PCNX2: variants seen among roughly 807,000 people sequenced by gnomAD.
PCNX2 encodes the protein pecanex 2, also known as pecanex-like protein 2.
In PCNX2, 168 loss-of-function variants were observed where a neutral mutation model predicts 223.8. The ratio of observed to expected loss-of-function variants is 0.75; its 90% confidence interval spans 0.66 to 0.85. The LOEUF (loss-of-function observed/expected upper bound fraction) is 0.85. PCNX2 is among the 40% of genes least tolerant of loss of function. The pLI, the probability that PCNX2 is intolerant of heterozygous loss-of-function variation, is 0.00. For synonymous variants in PCNX2, 1,006 were observed against 1,052.6 expected, an observed-to-expected ratio of 0.96 and a Z score of 0.86; for missense variants, 2,507 against 2,675.5, an observed-to-expected ratio of 0.94 and a Z score of 1.39.
intron 32 of PCNX2, among the ~76,000 whole-genome samples, chr1:232,993,978 T>C (rs1669791865): frequency 2.6e-5 from 4 of 152,222 alleles, no homozygotes; most frequent in Admixed American, 2.6e-4. Context: ...GGTATGGAAA[T>C]GCCTGATGTT....
intron 28 of PCNX2, among the ~76,000 whole-genome samples, 183 bp downstream of exon 28, chr1:233,014,482 C>T (rs1464496552): frequency 2.6e-5 from 4 of 151,986 alleles, no homozygotes; most frequent in Non-Finnish European, 5.9e-5. Context: ...ATTGAATACT[C>T]CAAAAGAGCA....
intron 32 of PCNX2, among the ~76,000 whole-genome samples, chr1:232,987,621 T>C (rs1021171129): frequency 4.4e-4 from 67 of 152,198 alleles, no homozygotes; most frequent in Non-Finnish European, 1.5e-5. Flanking sequence ...TCACCCCAAA[T>C]GCCCATTATT....
At chr1:233,163,546 A>G (rs776404619) in intron 17 of PCNX2, among the ~76,000 whole-genome samples, 17 of 151,700 alleles carry the variant, frequency 1.1e-4, no homozygotes, top group Non-Finnish European at 2.4e-4. Flanking sequence ...TATAAATTAT[A>G]TAACATATAT....
intron 9 of PCNX2, among the ~76,000 whole-genome samples, chr1:233,235,200 A>G (rs572559439): frequency 6.6e-6 from 1 of 152,322 alleles, no homozygotes; most frequent in South Asian, 2.1e-4. Flanking sequence ...GAGAATAAAC[A>G]GTCCCAAAAG....
At chr1:233,206,015 G>C (rs991805509) in intron 13 of PCNX2, among the ~76,000 whole-genome samples, 4 of 152,130 alleles carry the variant, frequency 2.6e-5, no homozygotes, top group African/African-American at 9.7e-5. Context: ...TGAAGGACGG[G>C]GGAGGCCGCA....
At chr1:232,987,867 C>T (rs1669547723) in intron 32 of PCNX2, among the ~76,000 whole-genome samples, 2 of 152,254 alleles carry the variant, frequency 1.3e-5, no homozygotes, top group African/African-American at 2.4e-5. Flanking sequence ...GCAGAGGGCA[C>T]TGGTGCTCCC....
At chr1:232,989,680 T>G (rs1159233565) in intron 32 of PCNX2, among the ~76,000 whole-genome samples, 1 of 152,150 alleles carries the variant, frequency 6.6e-6, no homozygotes, top group Non-Finnish European at 1.5e-5. Flanking sequence ...TACACTAACA[T>G]GTAAGTAAAG....
At position 233,237,065 on chromosome 1, in the gene PCNX2, G is replaced by T. The variant is rs1658467259; in HGVS notation, c.2223-85C>A. The T allele has an allele frequency of 1.9e-6, 3 of 1,543,240 alleles. No individual in the cohort carries two copies. In the African/African-American group the frequency reaches 4.1e-5, roughly 21 times the overall value. ...TTATACACAAACACAAGGACAATAGGAATGCCCAAAGCAGGTAGTGGATGA... is the reference window on the plus strand; with the variant it reads ...TTATACACAAACACAAGGACAATAGTAATGCCCAAAGCAGGTAGTGGATGA... On this transcript the variant is annotated intron_variant, in intron 8 of 33. Coordinates refer to ENST00000258229, the MANE Select transcript of PCNX2 (RefSeq NM_014801.4).
chr1:233,291,156 G>T (rs1281845308), intron 1 of PCNX2: 1 of 927,924 alleles, frequency 1.1e-6, no homozygotes, highest in Admixed American at 6.2e-5. Context: ...GCTAAATGCT[G>T]GATTTTACCA....
At chr1:233,047,438 A>G in intron 25 of PCNX2, 1 of 982,216 alleles carries the variant, frequency 1.0e-6, no homozygotes, top group Non-Finnish European at 1.2e-6. Flanking sequence ...TAAAAATGGC[A>G]CAGAACTTGT....
rs559977429 is a variant in PCNX2 at position 233,247,855 on chromosome 1, G to A, written c.2222+2884C>T. Among the ~76,000 whole-genome samples, 63 of 134,796 alleles carry A rather than the reference G, an allele frequency of 4.7e-4. No homozygotes were observed. The South Asian group carries it at 9.5e-3, about 20-fold the overall frequency. 88.4% of individuals were successfully genotyped at this position (134,796 alleles called of 152,430 possible). A position where few individuals can be genotyped will look rare whatever the true frequency, so the allele number is the denominator to read the frequency against. On this transcript the variant is annotated intron_variant, in intron 8 of 33. Transcript: ENST00000258229. ...ATTGCATCACTGTACTCCAGCCTAGGTGAAAGAGCAAAACTCCGTCTCAAA... is the reference window on the plus strand; with the variant it reads ...ATTGCATCACTGTACTCCAGCCTAGATGAAAGAGCAAAACTCCGTCTCAAA...
Position 232,999,195 on chromosome 1 carries a change from T to C in PCNX2, c.5513A>G (p.Tyr1838Cys). Residue 1838 changes from tyrosine (Y) to cysteine (C), a missense_variant, in exon 31 of 34, where the codon TAC becomes TGC. Transcript: ENST00000258229. ...PMYVSPLTTS[Y>C]LGTHRQLKNI... ...CTTCAGCTGCCTGTGTGTCCCTAGG[T>C]AGGATGTGGTTAGTGGGGAGACATA... 6.2e-7 allele frequency: 1 copy of C among 1,613,854 alleles called. No homozygotes were observed. Among genetic ancestry groups the C allele is most frequent in the Admixed American group, 1.7e-5 (1 of 60,012 alleles).
At chr1:233,061,655 A>T (rs1301545298) in intron 23 of PCNX2, among the ~76,000 whole-genome samples, 1 of 152,168 alleles carries the variant, frequency 6.6e-6, no homozygotes, top group Non-Finnish European at 1.5e-5. Flanking sequence ...TTTTGATCTG[A>T]ATTTTCAGTA....
intron 12 of PCNX2, 137 bp from the exon 13 acceptor site, chr1:233,208,826 C>CAAAAAAAAAAAAAAAAAAAAAAAAAAAGG (rs71173255): frequency 3.4e-5 from 2 of 59,534 alleles, no homozygotes; most frequent in Non-Finnish European, 6.4e-5. Context: ...AATTCATATA[C>CAAAAAAAAAAAAAAAAAAAAAAAAAAAGG]AAAAAAAAAA....
At chr1:233,199,686 G>A (rs1680943420) in intron 14 of PCNX2, among the ~76,000 whole-genome samples, 1 of 151,848 alleles carries the variant, frequency 6.6e-6, no homozygotes, top group Non-Finnish European at 1.5e-5. Flanking sequence ...ATGGTTTAGG[G>A]ACACAGATCA....
intron 23 of PCNX2, among the ~76,000 whole-genome samples, chr1:233,078,910 A>G (rs1439727684): frequency 6.6e-6 from 1 of 152,174 alleles, no homozygotes; most frequent in Non-Finnish European, 1.5e-5. Context: ...CACGTGTCAA[A>G]CCTTACATGC....
At chr1:233,030,553 G>C (rs1281441513) in intron 25 of PCNX2, among the ~76,000 whole-genome samples, 1 of 152,144 alleles carries the variant, frequency 6.6e-6, no homozygotes, top group Non-Finnish European at 1.5e-5. Flanking sequence ...GCCATGTTCT[G>C]TCAGGAAGTT....
intron 19 of PCNX2, among the ~76,000 whole-genome samples, chr1:233,146,699 T>C (rs1180001457): frequency 6.6e-6 from 1 of 152,210 alleles, no homozygotes; most frequent in East Asian, 1.9e-4. Context: ...TAAGCCAATC[T>C]CTTCCCAGTG....
intron 33 of PCNX2, chr1:232,985,552 G>A (rs563271928): frequency 1.7e-4 from 32 of 183,600 alleles, no homozygotes; most frequent in African/African-American, 7.5e-4. Flanking sequence ...TTTCATCTCA[G>A]CTGGTTTGGG....
Sources: allele counts gnomAD v4.1 joint callset (sites outside exome capture counted in the v4.1 genomes callset), GRCh38; gene constraint gnomAD v4.1.1; transcripts MANE v1.5; gene names NCBI Gene and HGNC (gene_info 2026-07-23, HGNC 2026-07-21).